RYR2: variants seen among roughly 807,000 people sequenced by gnomAD.
The protein encoded by RYR2 is cardiac muscle ryanodine receptor-calcium release channel.
A neutral mutation model predicts 601.1 loss-of-function variants in RYR2; 227 were observed. The observed-to-expected ratio is 0.38, with a 90% confidence interval of 0.34 to 0.42. The LOEUF (loss-of-function observed/expected upper bound fraction) is 0.42, where lower values mean the gene tolerates loss of function less well. Ranked by LOEUF, RYR2 falls within the 10% of genes least tolerant of loss-of-function variation. The pLI is 1.00. For missense variants in RYR2, 4,646 were observed against 6,156.5 expected (o/e 0.75, Z 8.21); for synonymous variants, 2,223 against 2,175.1 (o/e 1.02, Z -0.61).
intron 35 of RYR2, among the ~76,000 whole-genome samples, chr1:237,603,795 T>G (rs1676785757): frequency 6.6e-6 from 1 of 152,120 alleles, no homozygotes; most frequent in South Asian, 2.1e-4. Context: ...AAACAGACTT[T>G]AAACCAACAA....
intron 3 of RYR2, among the ~76,000 whole-genome samples, chr1:237,339,845 A>G (rs1174823979): frequency 1.3e-5 from 2 of 152,170 alleles, no homozygotes; most frequent in East Asian, 3.9e-4. Context: ...CTTTATTTCT[A>G]AAAGCAAGGC....
chr1:237,485,100 G>T (rs145902556), intron 17 of RYR2, among the ~76,000 whole-genome samples: 1 of 152,218 alleles, frequency 6.6e-6, no homozygotes, highest in Non-Finnish European at 1.5e-5. Flanking sequence ...CACAGATAAG[G>T]AAATCCTAGC....
At chr1:237,647,917 C>T (rs1682343994) in intron 48 of RYR2, among the ~76,000 whole-genome samples, 1 of 152,130 alleles carries the variant, frequency 6.6e-6, no homozygotes, top group Non-Finnish European at 1.5e-5. Flanking sequence ...CCCTTAAATG[C>T]ACGTTAAATG....
At chr1:237,458,873 G>A (rs930801038) in intron 16 of RYR2, among the ~76,000 whole-genome samples, 1 of 152,096 alleles carries the variant, frequency 6.6e-6, no homozygotes, top group Non-Finnish European at 1.5e-5. Flanking sequence ...TAAAACTCTT[G>A]TGCCTATTAG....
At chr1:237,795,450 A>ATTT in intron 96 of RYR2, 119 bp downstream of exon 96, 64 of 414,670 alleles carry the variant, frequency 1.5e-4, no homozygotes, top group Middle Eastern at 6.2e-4. Context: ...TAATGTCTCC[A>ATTT]TTTTTTTTTT....
intron 8 of RYR2, among the ~76,000 whole-genome samples, chr1:237,382,427 G>A (rs575085421): frequency 2.0e-5 from 3 of 152,022 alleles, no homozygotes; most frequent in East Asian, 3.9e-4. Flanking sequence ...TGCACAACGT[G>A]CAGGATTGTT....
intron 55 of RYR2, 66 bp downstream of exon 55, chr1:237,660,140 T>G: frequency 1.2e-6 from 1 of 821,098 alleles, no homozygotes; most frequent in Non-Finnish European, 1.7e-6. Context: ...GTTTTTTGGT[T>G]ATATTTTTTA....
At chr1:237,541,394 G>C (rs886761082) in intron 25 of RYR2, among the ~76,000 whole-genome samples, 4 of 152,162 alleles carry the variant, frequency 2.6e-5, no homozygotes, top group Admixed American at 2.6e-4. Context: ...TTTAAGTCTT[G>C]ATTCCAATGT....
intron 96 of RYR2, among the ~76,000 whole-genome samples, chr1:237,795,860 A>ATG (rs750864880): frequency 0.055 from 7,683 of 138,458 alleles, 290 homozygotes; most frequent in Middle Eastern, 0.093. Context: ...GTATATGTAT[A>ATG]TATATATATA....
rs1401322488 is a variant in RYR2, at chr1:237,639,153, A to G, written c.7067A>G (p.Asp2356Gly). The change falls in exon 46 of 105, where the codon GAT becomes GGT. Residue 2356 changes from aspartate to glycine, a missense_variant. Physicochemically the swap from Asp to Gly is moderately conservative, Grantham distance 94. Around this residue, in one of 17 missense-constraint regions of RYR2, gnomAD observed 1,497 missense variants for 1,842.6 expected, o/e 0.81. Coordinates refer to ENST00000366574, the MANE Select transcript of RYR2 (RefSeq NM_001035.3). ...AMEEAIKIAEDPSRDGPSPNS... is the reference protein window; with the variant it reads ...AMEEAIKIAEGPSRDGPSPNS... ...GAAGAAGCCATCAAAATCGCCGAGGATCCTTCCCGAGATGGTCCCTCACCA... is the reference window on the plus strand; with the variant it reads ...GAAGAAGCCATCAAAATCGCCGAGGGTCCTTCCCGAGATGGTCCCTCACCA... 6.2e-7 allele frequency: 1 copy of G among 1,613,752 alleles called. No homozygotes were observed. Among genetic ancestry groups the G allele is most frequent in the Non-Finnish European group, 8.5e-7 (1 of 1,179,844 alleles).
chr1:237,133,275 C>T (rs1571958914), intron 1 of RYR2, among the ~76,000 whole-genome samples: 1 of 151,956 alleles, frequency 6.6e-6, no homozygotes, highest in Admixed American at 6.5e-5. Flanking sequence ...AGAGCGAGGT[C>T]ACTGGGAAAG....
At chr1:237,481,107 C>T (rs9428381) in intron 17 of RYR2, among the ~76,000 whole-genome samples, 44,938 of 142,762 alleles carry the variant, frequency 0.31, 8,547 homozygotes, top group African/African-American at 0.55. Flanking sequence ...TGTATATATA[C>T]ATATATATAT....
intron 51 of RYR2, among the ~76,000 whole-genome samples, chr1:237,654,073 C>T (rs1172581956): frequency 6.6e-6 from 1 of 152,114 alleles, no homozygotes; most frequent in African/African-American, 2.4e-5. Flanking sequence ...TCCTTAAATT[C>T]AATCAAGTTG....
At chr1:237,304,251 G>C (rs1046101962) in intron 2 of RYR2, among the ~76,000 whole-genome samples, 16 of 152,212 alleles carry the variant, frequency 1.1e-4, no homozygotes, top group African/African-American at 3.4e-4. Context: ...CTGCTGGCTA[G>C]AGATCAGGAG....
chr1:237,069,766 T>G (rs1442194578), intron 1 of RYR2, among the ~76,000 whole-genome samples: 1 of 152,204 alleles, frequency 6.6e-6, no homozygotes, highest in Non-Finnish European at 1.5e-5. Context: ...CTACTCCAGC[T>G]TATTTTTATT....
chr1:237,072,812 G>A (rs185997709), intron 1 of RYR2, among the ~76,000 whole-genome samples: 8 of 152,136 alleles, frequency 5.3e-5, no homozygotes, highest in Non-Finnish European at 1.2e-4. Context: ...CCCAGGCGTG[G>A]TGGCAGTCAC....
rs781606553 is a variant in RYR2, at chr1:237,730,312, A to G, written c.10891A>G (p.Thr3631Ala). The G allele has an allele frequency of 6.2e-7, 1 of 1,607,588 alleles. No individual in the cohort carries two copies. The highest frequency in any genetic ancestry group is 1.1e-5 in the South Asian group (1 of 90,958). Reference protein sequence around the residue: ...LQGYEKSWIETEEHYFEDKLI... With the variant: ...LQGYEKSWIEAEEHYFEDKLI... ...GGGATATGAAAAGTCTTGGATTGAA[A>G]CAGAAGAACATTACTTTGAAGATAA... is the stretch of plus-strand genomic sequence containing the variant. The change falls in exon 77 of 105, where the codon ACA becomes GCA. Residue 3631 changes from threonine to alanine, a missense_variant. Coordinates refer to ENST00000366574, the MANE Select transcript of RYR2 (RefSeq NM_001035.3).
chr1:237,669,450 C>T (rs1388764396), intron 58 of RYR2, among the ~76,000 whole-genome samples: 6 of 151,250 alleles, frequency 4.0e-5, no homozygotes, highest in East Asian at 2.0e-4. Flanking sequence ...CCAGTAGGGG[C>T]GGCCGGGCAG....
At chr1:237,753,422 A>C (rs1243157297) in intron 80 of RYR2, among the ~76,000 whole-genome samples, 1 of 152,224 alleles carries the variant, frequency 6.6e-6, no homozygotes, top group African/African-American at 2.4e-5. Flanking sequence ...AATATTAGCA[A>C]TGTTATTACA....
Sources: gnomAD v4.1 joint callset for allele counts (sites outside exome capture counted in the v4.1 genomes callset) on GRCh38, gnomAD v4.1.1 for gene constraint, gnomAD v4.1.1 regional missense constraint, MANE v1.5 for transcripts, NCBI Gene and HGNC (gene_info 2026-07-23, HGNC 2026-07-21) for gene names.